Variants in ACOX1 observed in about 807,000 individuals in gnomAD.
ACOX1 encodes peroxisomal acyl-coenzyme A oxidase 1.
Under a neutral mutation model 75.5 loss-of-function variants are expected in ACOX1, and 41 were observed. The ratio of observed to expected loss-of-function variants is 0.54; its 90% confidence interval spans 0.42 to 0.70. The LOEUF is 0.70. Among genes scored for constraint, ACOX1 ranks in the 30% least tolerant of loss-of-function variants. The probability of loss-of-function intolerance (pLI) is 0.00; values close to 1 mark genes in which losing one functional copy is unlikely to be tolerated. For missense variants in ACOX1, 630 were observed against 837.5 expected (o/e 0.75, Z 3.06); for synonymous variants, 303 against 298.8 (o/e 1.01, Z -0.15).
chr17:75,948,550 A>AT, intron 12 of ACOX1, 93 bp from the exon 13 acceptor site: 1 of 1,146,490 alleles, frequency 8.7e-7, no homozygotes, highest in East Asian at 2.6e-5. Flanking sequence ...GATGACAATT[A>AT]TTTTTTTCTT....
At chr17:75,963,649 G>C (rs904099633) in intron 2 of ACOX1, among the ~76,000 whole-genome samples, 3 of 151,094 alleles carry the variant, frequency 2.0e-5, no homozygotes, top group Non-Finnish European at 4.4e-5. Flanking sequence ...AGTGAACGGA[G>C]ATCGTGCCAC....
rs1158972501 is a variant in ACOX1 at position 75,946,612 on chromosome 17, AT to A, written c.*135del. 5 of 762,138 alleles carry A rather than the reference AT, an allele frequency of 6.6e-6. No homozygotes were observed. In the East Asian group the frequency reaches 8.4e-5, roughly 13 times the overall value. The allele number at this position is 762,138 out of a possible 1,614,324, so 47.2% of individuals were successfully genotyped here. ...TTCATTTAATCTCTGAAATCTGTTC[AT>A]TTTTTCCCTCCATTTATAAAAAGGG... On this transcript the variant is annotated 3_prime_UTR_variant, in exon 14 of 14. Transcript: ENST00000293217.
chr17:75,960,815 T>G lies in ACOX1; in HGVS notation c.270-440A>C, dbSNP rs1400965747. Among the ~76,000 whole-genome samples the G allele has an allele frequency of 6.6e-6, 1 of 151,600 alleles. No homozygotes were observed. Among genetic ancestry groups the G allele is most frequent in the African/African-American group, 2.4e-5 (1 of 41,216 alleles). Reference sequence around the variant, plus strand: ...CAACATGGCAAAGCCCTGACTCTACTAAAAATACAAAAATCAGCTGAACGT... The same window carrying G: ...CAACATGGCAAAGCCCTGACTCTACGAAAAATACAAAAATCAGCTGAACGT... On this transcript the variant is annotated intron_variant, in intron 2 of 13. Transcript: ENST00000293217. The surrounding 1 kb of genome is among the most constrained non-coding windows in gnomAD (Gnocchi z 4.4).
intron 4 of ACOX1, among the ~76,000 whole-genome samples, chr17:75,956,996 T>C (rs1363005554): frequency 1.3e-5 from 1 of 75,196 alleles, no homozygotes; most frequent in South Asian, 5.1e-4. Flanking sequence ...TATATATATA[T>C]ATATATATAT....
chr17:75,947,248 GTTTTT>G (rs55857840), intron 13 of ACOX1, among the ~76,000 whole-genome samples: 1 of 137,574 alleles, frequency 7.3e-6, no homozygotes, highest in South Asian at 2.3e-4. Context: ...TGATGTCTTA[GTTTTT>G]TTTTTTTTTT....
Position 75,946,724 on chromosome 17 carries a change from G to T in ACOX1, c.*24C>A. ...TTGCACACAGGCGCTTTCTGAAGCA[G>T]ATTAAACTTGTCCTTGTGACACTTC... On this transcript the variant is annotated 3_prime_UTR_variant, in exon 14 of 14. Transcript: ENST00000293217. The T allele has an allele frequency of 6.2e-7, 1 of 1,611,728 alleles. No individual in the cohort carries two copies. Among genetic ancestry groups the T allele is most frequent in the South Asian group, 1.1e-5 (1 of 91,000 alleles).
At chr17:75,952,311 T>C (rs969393979) in intron 7 of ACOX1, among the ~76,000 whole-genome samples, 2 of 152,074 alleles carry the variant, frequency 1.3e-5, no homozygotes, top group African/African-American at 4.8e-5. Flanking sequence ...ATTATTATTA[T>C]TTTTTGAGAT....
At chr17:75,958,336 G>A (rs2065852791) in intron 3 of ACOX1, among the ~76,000 whole-genome samples, 1 of 135,548 alleles carries the variant, frequency 7.4e-6, no homozygotes, top group African/African-American at 2.9e-5. Flanking sequence ...CTGGGTGGCA[G>A]AGCAAGACTC....
In ACOX1 at chr17:75,978,742, C is replaced by G; in HGVS notation, c.110-49G>C. The G allele has an allele frequency of 6.2e-7, 1 of 1,612,364 alleles. No homozygotes were observed. The highest frequency in any genetic ancestry group is 8.5e-7 in the Non-Finnish European group (1 of 1,179,986). On this transcript the variant is annotated intron_variant, in intron 1 of 13. Transcript: ENST00000293217. This position sits in a 1 kb window ranked among gnomAD's most constrained non-coding sequence, Gnocchi z 4.2. ...AAAAGGCAGACAGACACTCGGGCCT[C>G]CGTTCCACCCTCCCTGAATCACAAT...
At chr17:75,954,504 CAGAG>C (rs1211628045) in intron 6 of ACOX1, among the ~76,000 whole-genome samples, 1 of 125,808 alleles carries the variant, frequency 7.9e-6, no homozygotes, top group Admixed American at 9.0e-5. Context: ...GCATGGGTGA[CAGAG>C]ACTCTCTCTC....
chr17:75,944,001 C>T lies in ACOX1; in HGVS notation c.*2747G>A, dbSNP rs933461460. ...ATCTCAGCACTTTGGGAGGCTGAGG[C>T]GAAATGATCGCTTGAGCCCAGGAGT... is the stretch of plus-strand genomic sequence containing the variant. On this transcript the variant is annotated 3_prime_UTR_variant, in exon 14 of 14. Coordinates refer to ENST00000293217, the MANE Select transcript of ACOX1 (RefSeq NM_004035.7). 3.3e-5 allele frequency: 5 copies of T among 152,252 alleles called. No individual in the cohort carries two copies. The highest frequency in any genetic ancestry group is 1.9e-4 in the East Asian group (1 of 5,176). The allele number at this position is 152,252 out of a possible 1,614,324, so 9.4% of individuals were successfully genotyped here. A position where few individuals can be genotyped will look rare whatever the true frequency, so the allele number is the denominator to read the frequency against.
chr17:75,956,959 CTCTCTCTCTCTCTATATATATA>C (rs1567877942), intron 4 of ACOX1, among the ~76,000 whole-genome samples: 114 of 25,166 alleles, frequency 4.5e-3, no homozygotes, highest in African/African-American at 0.012. Flanking sequence ...CTCTCTCTCT[CTCTCTCTCTCTCTATATATATA>C]TATATATATA....
Position 75,946,719 on chromosome 17 carries a change from A to T in ACOX1, c.*29T>A, listed in dbSNP as rs1216654180. 6.2e-7 allele frequency: 1 copy of T among 1,610,192 alleles called. No individual in the cohort carries two copies. On this transcript the variant is annotated 3_prime_UTR_variant, in exon 14 of 14. Coordinates refer to ENST00000293217, the MANE Select transcript of ACOX1 (RefSeq NM_004035.7). ...TTGAGTTGCACACAGGCGCTTTCTG[A>T]AGCAGATTAAACTTGTCCTTGTGAC... is the stretch of plus-strand genomic sequence containing the variant.
At chr17:75,961,653 A>C (rs1022687776) in intron 2 of ACOX1, among the ~76,000 whole-genome samples, 7 of 150,708 alleles carry the variant, frequency 4.6e-5, no homozygotes, top group Non-Finnish European at 7.4e-5. Context: ...CCTGTAATCC[A>C]AGCTACTTGG....
intron 2 of ACOX1, among the ~76,000 whole-genome samples, chr17:75,971,945 G>A (rs2065999153): frequency 6.6e-6 from 1 of 152,038 alleles, no homozygotes; most frequent in South Asian, 2.1e-4. Context: ...ACAGAGTTCT[G>A]TACCACAAAG....
At chr17:75,967,205 T>C (rs773608719) in intron 2 of ACOX1, among the ~76,000 whole-genome samples, 38 of 152,150 alleles carry the variant, frequency 2.5e-4, no homozygotes, top group Non-Finnish European at 4.1e-4. Flanking sequence ...GCGTGGTGGC[T>C]CACGCCTGTA....
At chr17:75,962,809 G>A (rs1336543690) in intron 2 of ACOX1, among the ~76,000 whole-genome samples, 4 of 152,194 alleles carry the variant, frequency 2.6e-5, no homozygotes, top group African/African-American at 4.8e-5. Flanking sequence ...GCTGAGCAAG[G>A]GGTAAAACAT....
rs57773294 is a variant in ACOX1 at position 75,955,282 on chromosome 17, T to C, written c.774+284A>G. 2.5e-3 allele frequency among the ~76,000 whole-genome samples: 371 copies of C among 151,376 alleles called. 1 individual carries two copies. The highest frequency in any genetic ancestry group is 8.7e-3 in the African/African-American group (359 of 41,204). On this transcript the variant is annotated intron_variant, in intron 6 of 13. Coordinates refer to ENST00000293217, the MANE Select transcript of ACOX1 (RefSeq NM_004035.7). ...GGCTCAAGTGATCCTCCCACCCCAG[T>C]CTCCCAAGTAGCTGGGACTACACAC...
At chr17:75,973,830 T>C (rs1474994119) in intron 2 of ACOX1, 1 of 1,606,014 alleles carries the variant, frequency 6.2e-7, no homozygotes, top group East Asian at 2.2e-5. Context: ...CTTTAGAAAC[T>C]GCATCCTACA....
Sources: gnomAD v4.1 joint callset for allele counts (sites outside exome capture counted in the v4.1 genomes callset) on GRCh38, gnomAD v4.1.1 for gene constraint, Gnocchi (gnomAD v3.1) non-coding constraint, MANE v1.5 for transcripts, NCBI Gene and HGNC (gene_info 2026-07-23, HGNC 2026-07-21) for gene names.